The following PPP2R2B variants were observed in gnomAD, a reference collection of about 807,000 sequenced individuals.
PPP2R2B encodes the protein serine/threonine-protein phosphatase 2A 55 kDa regulatory subunit B beta isoform.
A neutral mutation model predicts 46.0 loss-of-function variants in PPP2R2B; 5 were observed. The ratio of observed to expected loss-of-function variants is 0.11; its 90% CI spans 0.06 to 0.23. The LOEUF (loss-of-function observed/expected upper bound fraction) is 0.23. Among genes scored for constraint, PPP2R2B ranks in the 10% least tolerant of loss-of-function variants. The pLI is 1.00. For missense variants in PPP2R2B, 367 were observed against 575.0 expected, an observed-to-expected ratio of 0.64 and a Z score of 3.70; for synonymous variants, 215 against 206.7, an observed-to-expected ratio of 1.04 and a Z score of -0.34.
rs534172685 is a variant in PPP2R2B, at chr5:146,765,978, A to G, written c.71-64836T>C. Among the ~76,000 whole-genome samples, 3 of 152,320 alleles carry G rather than the reference A, an allele frequency of 2.0e-5. No individual in the cohort carries two copies. In the East Asian group the frequency reaches 5.8e-4, roughly 29 times the overall value. ...TTGGACAGAACTTTTTAGACTCTCC[A>G]TTTATTATCATCTGGTGATTAAAGA... On this transcript the variant is annotated intron_variant, in intron 2 of 9. Transcript: ENST00000394411.
Position 147,040,279 on chromosome 5 carries a change from CTGAGGATCAACAGAGAATTGTAA to C in PPP2R2B, c.79+15363_79+15385del, listed in dbSNP as rs1319275276. Reference sequence around the variant, plus strand: ...AATTTTGTATGATACCCTAGCATATCTGAGGATCAACAGAGAATTGTAATGAGAGCTTTGGCCACTGCCTCACC... The same window carrying C: ...AATTTTGTATGATACCCTAGCATATCTGAGAGCTTTGGCCACTGCCTCACC... On this transcript the variant is annotated intron_variant, in intron 1 of 8. Coordinates refer to the PPP2R2B transcript ENST00000336640. Among the ~76,000 whole-genome samples the C allele has an allele frequency of 2.6e-5, 4 of 152,114 alleles. No individual in the cohort carries two copies. In the South Asian group the frequency reaches 6.2e-4, roughly 24 times the overall value.
intron 2 of PPP2R2B, among the ~76,000 whole-genome samples, chr5:146,721,911 AG>A (rs1294443409): frequency 1.3e-5 from 2 of 152,248 alleles, no homozygotes; most frequent in Non-Finnish European, 2.9e-5. Flanking sequence ...TAAGGTTAAC[AG>A]GAACACTACT....
chr5:146,872,421 T>C (rs923174093), intron 2 of PPP2R2B, among the ~76,000 whole-genome samples: 1 of 152,218 alleles, frequency 6.6e-6, no homozygotes, highest in Non-Finnish European at 1.5e-5. Context: ...TGCATACAAA[T>C]ACCAAAGCAA....
intron 2 of PPP2R2B, among the ~76,000 whole-genome samples, chr5:146,737,799 G>T (rs1215417764): frequency 6.7e-6 from 1 of 149,076 alleles, no homozygotes; most frequent in African/African-American, 2.5e-5. Flanking sequence ...TGGAGGCCAG[G>T]TGTGGTGGCT....
intron 1 of PPP2R2B, among the ~76,000 whole-genome samples, chr5:146,974,947 C>G (rs1231363509): frequency 6.6e-6 from 1 of 152,062 alleles, no homozygotes; most frequent in African/African-American, 2.4e-5. Context: ...CCTCTGCCTC[C>G]CAAAGTGCTG....
intron 1 of PPP2R2B, chr5:147,040,843 A>G (rs1293025727): frequency 6.9e-6 from 3 of 434,736 alleles, no homozygotes; most frequent in African/African-American, 2.1e-5. Context: ...TAATAGTGCC[A>G]TTACACATAC....
chr5:146,623,629 T>C (rs1174261366), intron 7 of PPP2R2B, among the ~76,000 whole-genome samples: 2 of 152,258 alleles, frequency 1.3e-5, no homozygotes, highest in Non-Finnish European at 2.9e-5. Flanking sequence ...TGTCAGAATA[T>C]GCTATTTGAC....
intron 1 of PPP2R2B, among the ~76,000 whole-genome samples, chr5:146,930,740 G>A (rs1248857605): frequency 6.6e-6 from 1 of 152,182 alleles, no homozygotes; most frequent in Non-Finnish European, 1.5e-5. Flanking sequence ...GGTTTCTCTT[G>A]AACCCTGATG....
At chr5:147,057,018 C>T (rs1580867071), upstream of PPP2R2B, among the ~76,000 whole-genome samples, 1 of 152,242 alleles carries the variant, frequency 6.6e-6, no homozygotes, top group South Asian at 2.1e-4. Context: ...TAAAAGTGTG[C>T]CTTGAAAATC....
intron 1 of PPP2R2B, among the ~76,000 whole-genome samples, chr5:147,021,885 T>C (rs1189729379): frequency 6.6e-6 from 1 of 152,210 alleles, no homozygotes; most frequent in African/African-American, 2.4e-5. Flanking sequence ...TGATGGATGA[T>C]ATCTTTAGTC....
At chr5:146,696,865 T>C (rs1043979313) in intron 4 of PPP2R2B, among the ~76,000 whole-genome samples, 38 of 152,334 alleles carry the variant, frequency 2.5e-4, no homozygotes, top group African/African-American at 9.1e-4. Flanking sequence ...TTTCCGCTTT[T>C]TTCCATAAGA....
chr5:146,993,568 ACAC>A (rs1753796406), intron 1 of PPP2R2B, among the ~76,000 whole-genome samples: 1 of 152,182 alleles, frequency 6.6e-6, no homozygotes, highest in Non-Finnish European at 1.5e-5. Context: ...AATAAGGAGT[ACAC>A]AGTATAAGCT....
intron 1 of PPP2R2B, among the ~76,000 whole-genome samples, chr5:146,888,663 C>A (rs1762402386): frequency 6.6e-6 from 1 of 152,152 alleles, no homozygotes; most frequent in Non-Finnish European, 1.5e-5. Flanking sequence ...TTAGCTCCAG[C>A]TATAGCTCTT....
chr5:146,964,414 G>A (rs558730403), intron 1 of PPP2R2B, among the ~76,000 whole-genome samples: 71 of 151,818 alleles, frequency 4.7e-4, no homozygotes, highest in African/African-American at 1.7e-3. Context: ...TTGACTTGGT[G>A]CTTCGCAGAT....
In PPP2R2B at chr5:146,588,201, G is replaced by C. The variant is rs757006509; in HGVS notation, c.*1746C>G. The C allele has an allele frequency of 4.6e-5, 7 of 152,178 alleles. No homozygotes were observed. Among genetic ancestry groups the C allele is most frequent in the African/African-American group, 7.2e-5 (3 of 41,438 alleles). 9.4% of individuals were successfully genotyped at this position (152,178 alleles called of 1,614,324 possible). A position where few individuals can be genotyped will look rare whatever the true frequency, so the allele number is the denominator to read the frequency against. On this transcript the variant is annotated 3_prime_UTR_variant, in exon 10 of 10. Transcript: ENST00000394411. ...GAAATACTGAGAAAGTCTCGTCTTT[G>C]TTCCCATGCTCCCTCAATTCTGAGA...
chr5:146,688,481 G>C (rs1191258772), intron 5 of PPP2R2B, among the ~76,000 whole-genome samples: 1 of 151,692 alleles, frequency 6.6e-6, no homozygotes, highest in Non-Finnish European at 1.5e-5. Flanking sequence ...CCAGTCCTCT[G>C]CTTGGCAGCT....
intron 6 of PPP2R2B, 112 bp downstream of exon 6, chr5:146,650,435 T>C (rs1775876888): frequency 3.1e-6 from 3 of 978,274 alleles, no homozygotes; most frequent in Non-Finnish European, 4.5e-6. Flanking sequence ...AAGGGGCAAG[T>C]TCTCCGCAAA....
At chr5:146,833,845 A>G (rs770820623) in intron 2 of PPP2R2B, among the ~76,000 whole-genome samples, 13 of 152,036 alleles carry the variant, frequency 8.6e-5, no homozygotes, top group Non-Finnish European at 1.8e-4. Context: ...CATCCCCCAA[A>G]ATCAAATAAT....
chr5:146,851,208 T>G (rs1160317194), intron 2 of PPP2R2B, among the ~76,000 whole-genome samples: 1 of 152,152 alleles, frequency 6.6e-6, no homozygotes, highest in Non-Finnish European at 1.5e-5. Flanking sequence ...TAATTTTTCT[T>G]TATTTCACAA....
Sources: allele counts gnomAD v4.1 joint callset (sites outside exome capture counted in the v4.1 genomes callset), GRCh38; gene constraint gnomAD v4.1.1; transcripts MANE v1.5; gene names NCBI Gene and HGNC (gene_info 2026-07-23, HGNC 2026-07-21).